JMJD1C: variants seen among roughly 807,000 people sequenced by gnomAD.
The protein encoded by JMJD1C is jumonji domain-containing protein 1C.
A neutral mutation model predicts 245.3 loss-of-function variants in JMJD1C; 31 were observed. That is an observed-to-expected ratio of 0.13 (90% confidence interval 0.09 to 0.17). JMJD1C has a LOEUF of 0.17. Ranked by LOEUF, JMJD1C falls within the 10% of genes least tolerant of loss-of-function variation. The pLI, the probability that JMJD1C is intolerant of heterozygous loss-of-function variation, is 1.00. For synonymous variants in JMJD1C, 1,057 were observed against 1,017.4 expected, an observed-to-expected ratio of 1.04 and a Z score of -0.74; for missense variants, 2,691 against 3,000.2, an observed-to-expected ratio of 0.90 and a Z score of 2.41.
intron 2 of JMJD1C, chr10:63,268,888 C>T (rs944135683): frequency 7.1e-5 from 70 of 985,678 alleles, no homozygotes; most frequent in Non-Finnish European, 6.6e-5. Context: ...GACCACAGAA[C>T]GAAGCAGGAG....
intron 1 of JMJD1C, among the ~76,000 whole-genome samples, chr10:63,494,347 T>C: frequency 1.3e-5 from 2 of 152,180 alleles, no homozygotes; most frequent in South Asian, 4.1e-4. Context: ...TATTAATCTA[T>C]AGCAAAGAGT....
intron 1 of JMJD1C, among the ~76,000 whole-genome samples, chr10:63,495,569 C>T (rs1222969928): frequency 6.6e-6 from 1 of 151,904 alleles, no homozygotes; most frequent in Non-Finnish European, 1.5e-5. Context: ...GTCAGGAGTT[C>T]GAGACCAGCC....
intron 3 of JMJD1C, among the ~76,000 whole-genome samples, chr10:63,244,715 C>T (rs1409441982): frequency 6.7e-6 from 1 of 150,312 alleles, no homozygotes; most frequent in Non-Finnish European, 1.5e-5. Flanking sequence ...GTGGTGCGCA[C>T]CTATCGTCCT....
At chr10:63,355,130 A>C (rs936383837) in intron 2 of JMJD1C, among the ~76,000 whole-genome samples, 3 of 152,096 alleles carry the variant, frequency 2.0e-5, no homozygotes, top group Admixed American at 6.5e-5. Context: ...AATCTCTCTC[A>C]CTTGTGCTGC....
chr10:63,367,578 G>C (rs1364472085), intron 2 of JMJD1C, among the ~76,000 whole-genome samples: 3 of 152,130 alleles, frequency 2.0e-5, no homozygotes, highest in African/African-American at 7.2e-5. Flanking sequence ...TTTAAAAACT[G>C]GAAGGCAAAA....
chr10:63,227,242 T>A (rs572917984), intron 3 of JMJD1C, among the ~76,000 whole-genome samples: 1 of 152,184 alleles, frequency 6.6e-6, no homozygotes, highest in South Asian at 2.1e-4. Flanking sequence ...TTAGGTTTAA[T>A]GACACCAGTA....
intron 1 of JMJD1C, among the ~76,000 whole-genome samples, chr10:63,392,684 G>A (rs1243281305): frequency 6.6e-6 from 1 of 151,734 alleles, no homozygotes; most frequent in African/African-American, 2.4e-5. Context: ...AATTAGCTGG[G>A]CGTGGTGGCA....
intron 2 of JMJD1C, among the ~76,000 whole-genome samples, chr10:63,373,984 C>A (rs888910063): frequency 2.0e-5 from 3 of 152,056 alleles, no homozygotes; most frequent in Admixed American, 2.0e-4. Context: ...TTAATTTTTA[C>A]AATCTCCTAA....
intron 1 of JMJD1C, among the ~76,000 whole-genome samples, chr10:63,511,536 C>T (rs1954871419): frequency 6.6e-6 from 1 of 152,144 alleles, no homozygotes; most frequent in Non-Finnish European, 1.5e-5. Flanking sequence ...ATGCTGAAAT[C>T]CCGTCTCTAC....
intron 1 of JMJD1C, among the ~76,000 whole-genome samples, chr10:63,508,796 G>A (rs1954793980): frequency 6.6e-6 from 1 of 152,184 alleles, no homozygotes; most frequent in Admixed American, 6.5e-5. Flanking sequence ...CTGGCAATAA[G>A]AGAAAGTGAT....
At chr10:63,393,076 G>A (rs1948207318) in intron 1 of JMJD1C, among the ~76,000 whole-genome samples, 1 of 152,082 alleles carries the variant, frequency 6.6e-6, no homozygotes, top group Non-Finnish European at 1.5e-5. Context: ...AGGCCAGCCT[G>A]GGCAACATGG....
At chr10:63,376,525 TA>T (rs1946756291) in intron 2 of JMJD1C, among the ~76,000 whole-genome samples, 1 of 152,010 alleles carries the variant, frequency 6.6e-6, no homozygotes, top group Non-Finnish European at 1.5e-5. Flanking sequence ...ATCATGTATC[TA>T]AAAGGGGATT....
chr10:63,393,418 T>A (rs10740121), intron 1 of JMJD1C, among the ~76,000 whole-genome samples: 150,073 of 152,330 alleles, frequency 0.99, 73,962 homozygotes, highest in Middle Eastern at 1. Flanking sequence ...GAGAAAAGGG[T>A]ACTCTCATAT....
intron 2 of JMJD1C, among the ~76,000 whole-genome samples, chr10:63,278,930 C>T (rs1857108440): frequency 6.6e-6 from 1 of 151,774 alleles, no homozygotes; most frequent in African/African-American, 2.4e-5. Flanking sequence ...CGCTTGAAAG[C>T]TATCTCTATT....
At chr10:63,201,706 G>A (rs1050742133) in intron 10 of JMJD1C, among the ~76,000 whole-genome samples, 6 of 152,028 alleles carry the variant, frequency 3.9e-5, no homozygotes, top group African/African-American at 1.4e-4. Flanking sequence ...GAGGCGGGCG[G>A]ATCACCTGAG....
intron 2 of JMJD1C, among the ~76,000 whole-genome samples, chr10:63,303,994 C>G (rs1273331380): frequency 6.6e-6 from 1 of 152,112 alleles, no homozygotes; most frequent in Non-Finnish European, 1.5e-5. Flanking sequence ...TGTTATGGAA[C>G]TGATGTTAGA....
chr10:63,435,911 T>TA (rs1264275004), intron 1 of JMJD1C, among the ~76,000 whole-genome samples: 1 of 151,942 alleles, frequency 6.6e-6, no homozygotes, highest in African/African-American at 2.4e-5. Flanking sequence ...ACAAACAAAC[T>TA]AAAAAAGAGT....
chr10:63,462,143 T>C (rs1952837294), intron 1 of JMJD1C, among the ~76,000 whole-genome samples: 1 of 152,176 alleles, frequency 6.6e-6, no homozygotes, highest in East Asian at 1.9e-4. Flanking sequence ...TTCAACAACT[T>C]GGTCCTCCTG....
At chr10:63,366,740 T>A (rs576617402) in intron 2 of JMJD1C, among the ~76,000 whole-genome samples, 30 of 152,168 alleles carry the variant, frequency 2.0e-4, no homozygotes, top group Non-Finnish European at 4.3e-4. Flanking sequence ...TGTATTACAA[T>A]CAATTAGTAG....
Sources: gnomAD v4.1 joint callset for allele counts (sites outside exome capture counted in the v4.1 genomes callset) on GRCh38, gnomAD v4.1.1 for gene constraint, MANE v1.5 for transcripts, NCBI Gene and HGNC (gene_info 2026-07-23, HGNC 2026-07-21) for gene names.